ELMO1: variants seen among roughly 807,000 people sequenced by gnomAD.
The protein encoded by ELMO1 is engulfment and cell motility protein 1.
In ELMO1, 26 loss-of-function variants were observed where a neutral mutation model predicts 98.9. The observed-to-expected ratio is 0.26, with a 90% CI of 0.19 to 0.36. ELMO1 has a LOEUF of 0.36. ELMO1 is among the 10% of genes least tolerant of loss of function. ELMO1 has a pLI of 1.00. For synonymous variants in ELMO1, 346 were observed against 346.0 expected, an observed-to-expected ratio of 1.00 and a Z score of 0.00; for missense variants, 627 against 935.2, an observed-to-expected ratio of 0.67 and a Z score of 4.30.
chr7:36,899,764 C>CCA (rs1806352655), intron 16 of ELMO1, among the ~76,000 whole-genome samples: 1 of 132,028 alleles, frequency 7.6e-6, no homozygotes, highest in Non-Finnish European at 1.6e-5. Flanking sequence ...GGATAATGCC[C>CCA]CACATCCTTT....
chr7:37,261,391 C>A (rs369298990), intron 5 of ELMO1, among the ~76,000 whole-genome samples: 394 of 152,248 alleles, frequency 2.6e-3, no homozygotes, highest in South Asian at 6.2e-3. Context: ...GTAAGAATCA[C>A]CTGGATGACT....
chr7:37,407,368 C>A lies in ELMO1; in HGVS notation c.-74+41307G>T, dbSNP rs571707626. Among the ~76,000 whole-genome samples, 10 of 152,014 alleles carry A rather than the reference C, an allele frequency of 6.6e-5. No homozygotes were observed. In the East Asian group the frequency reaches 1.9e-3, roughly 29 times the overall value. ...ACTAAAAATACAAAAATTAGCCAGGCGTGATGGTGGGTGCCTGTAATCCCA... is the reference window on the plus strand; with the variant it reads ...ACTAAAAATACAAAAATTAGCCAGGAGTGATGGTGGGTGCCTGTAATCCCA... On this transcript the variant is annotated intron_variant, in intron 1 of 21. Transcript: ENST00000310758.
intron 1 of ELMO1, among the ~76,000 whole-genome samples, chr7:37,395,482 A>G (rs746878342): frequency 6.6e-6 from 1 of 151,982 alleles, no homozygotes; most frequent in Non-Finnish European, 1.5e-5. Context: ...GCAGCCCATC[A>G]TTGACTTAAT....
intron 16 of ELMO1, among the ~76,000 whole-genome samples, chr7:36,910,830 G>C (rs557900370): frequency 6.6e-6 from 1 of 152,154 alleles, no homozygotes; most frequent in African/African-American, 2.4e-5. Context: ...GAGGACACGT[G>C]GTGCCTCCCT....
intron 13 of ELMO1, among the ~76,000 whole-genome samples, chr7:37,175,986 A>G (rs1370543409): frequency 6.6e-6 from 1 of 152,256 alleles, no homozygotes; most frequent in Non-Finnish European, 1.5e-5. Context: ...TGATTTTCAC[A>G]GCAGCATAGG....
At chr7:37,364,783 T>C (rs1220092667) in intron 1 of ELMO1, among the ~76,000 whole-genome samples, 1 of 152,212 alleles carries the variant, frequency 6.6e-6, no homozygotes, top group Non-Finnish European at 1.5e-5. Flanking sequence ...GCTTTTCTAT[T>C]ACCATTGATA....
chr7:37,433,844 C>A (rs554825717), intron 1 of ELMO1, among the ~76,000 whole-genome samples: 14 of 152,146 alleles, frequency 9.2e-5, no homozygotes, highest in African/African-American at 3.1e-4. Context: ...CTGCAGGGGG[C>A]AAAATAAGTA....
At chr7:37,070,867 G>A (rs958299979) in intron 15 of ELMO1, among the ~76,000 whole-genome samples, 7 of 152,120 alleles carry the variant, frequency 4.6e-5, no homozygotes, top group Non-Finnish European at 7.4e-5. Flanking sequence ...CAAAGGGGAG[G>A]CATACTCTCA....
At chr7:36,953,297 T>C (rs1245444484) in intron 16 of ELMO1, among the ~76,000 whole-genome samples, 4 of 152,250 alleles carry the variant, frequency 2.6e-5, no homozygotes, top group Non-Finnish European at 5.9e-5. Context: ...TACTACTCTC[T>C]TGACATAAAG....
intron 1 of ELMO1, among the ~76,000 whole-genome samples, chr7:37,376,360 T>C (rs1165140196): frequency 6.6e-6 from 1 of 152,194 alleles, no homozygotes; most frequent in African/African-American, 2.4e-5. Flanking sequence ...CATAGGTAAG[T>C]GATAACCAGC....
chr7:37,261,556 T>C (rs1795975994), intron 5 of ELMO1, among the ~76,000 whole-genome samples: 1 of 152,196 alleles, frequency 6.6e-6, no homozygotes, highest in African/African-American at 2.4e-5. Flanking sequence ...TCACTCAGGA[T>C]GCTGCATCTC....
At chr7:37,163,849 A>C (rs1043124237) in intron 13 of ELMO1, among the ~76,000 whole-genome samples, 1 of 152,180 alleles carries the variant, frequency 6.6e-6, no homozygotes, top group Non-Finnish European at 1.5e-5. Context: ...TTGGGTATAT[A>C]CCCAGTAATG....
intron 6 of ELMO1, among the ~76,000 whole-genome samples, chr7:37,252,025 G>A (rs960479076): frequency 6.6e-6 from 1 of 152,126 alleles, no homozygotes; most frequent in Non-Finnish European, 1.5e-5. Flanking sequence ...AACTTAAAAG[G>A]GATGTGAAGG....
chr7:37,387,920 C>T (rs1336996592), intron 1 of ELMO1, among the ~76,000 whole-genome samples: 1 of 152,160 alleles, frequency 6.6e-6, no homozygotes, highest in African/African-American at 2.4e-5. Flanking sequence ...CAGCCTTGAC[C>T]CCCTGGGCTC....
intron 13 of ELMO1, among the ~76,000 whole-genome samples, chr7:37,180,871 G>A (rs1364200377): frequency 6.6e-6 from 1 of 151,920 alleles, no homozygotes; most frequent in Non-Finnish European, 1.5e-5. Context: ...GCAAACACCA[G>A]GGAGGAAATG....
chr7:36,952,964 CTTTTTT>C (rs70980904), intron 16 of ELMO1, among the ~76,000 whole-genome samples: 6 of 82,880 alleles, frequency 7.2e-5, no homozygotes, highest in Admixed American at 4.2e-4. Flanking sequence ...AGTCACTACT[CTTTTTT>C]TTTTTTTTTT....
intron 14 of ELMO1, among the ~76,000 whole-genome samples, chr7:37,118,580 T>C (rs1785759438): frequency 6.6e-6 from 1 of 152,196 alleles, no homozygotes; most frequent in Admixed American, 6.5e-5. Flanking sequence ...TGTACATCAA[T>C]CAAGTACTAC....
chr7:37,369,373 GTTTCC>G (rs1418966630), intron 1 of ELMO1, among the ~76,000 whole-genome samples: 1 of 152,032 alleles, frequency 6.6e-6, no homozygotes, highest in Non-Finnish European at 1.5e-5. Context: ...TTCCATGAGC[GTTTCC>G]TTTGAGTGTC....
At chr7:37,214,903 C>T (rs1793194284) in intron 11 of ELMO1, among the ~76,000 whole-genome samples, 1 of 152,184 alleles carries the variant, frequency 6.6e-6, no homozygotes, top group Non-Finnish European at 1.5e-5. Context: ...ACAGGGTGAA[C>T]ACAGTCATTA....
Sources: allele counts gnomAD v4.1 joint callset (sites outside exome capture counted in the v4.1 genomes callset), GRCh38; gene constraint gnomAD v4.1.1; transcripts MANE v1.5; gene names NCBI Gene and HGNC (gene_info 2026-07-23, HGNC 2026-07-21).